The following SVEP1 variants were observed in gnomAD, a reference collection of about 807,000 sequenced individuals.
SVEP1 encodes sushi, von Willebrand factor type A, EGF and pentraxin domain-containing protein 1.
A neutral mutation model predicts 367.3 loss-of-function variants in SVEP1; 164 were observed. The ratio of observed to expected loss-of-function variants is 0.45; its 90% CI spans 0.39 to 0.51. The LOEUF is 0.51. Among genes scored for constraint, SVEP1 ranks in the 20% least tolerant of loss-of-function variants. The pLI is 0.00. For synonymous variants in SVEP1, 1,666 were observed against 1,611.6 expected, an observed-to-expected ratio of 1.03 and a Z score of -0.81; for missense variants, 4,117 against 4,425.3, an observed-to-expected ratio of 0.93 and a Z score of 1.98.
At chr9:110,498,024 G>A (rs778661789) in intron 7 of SVEP1, among the ~76,000 whole-genome samples, 2 of 152,126 alleles carry the variant, frequency 1.3e-5, no homozygotes, top group Non-Finnish European at 2.9e-5. Flanking sequence ...TAGCTTGACT[G>A]GACCTGGAAT....
intron 41 of SVEP1, 44 bp downstream of exon 41, chr9:110,389,480 T>A (rs769400034): frequency 6.2e-7 from 1 of 1,600,300 alleles, no homozygotes. Flanking sequence ...TTATTTTGTG[T>A]CCTCAGTGTC....
intron 4 of SVEP1, 121 bp downstream of exon 4, chr9:110,513,827 A>C: frequency 1.6e-6 from 2 of 1,215,064 alleles, no homozygotes; most frequent in Non-Finnish European, 2.3e-6. Flanking sequence ...CCCCCAAAAA[A>C]TATGATTAGA....
chr9:110,416,456 T>A (rs1361571808), intron 36 of SVEP1, among the ~76,000 whole-genome samples: 1 of 151,710 alleles, frequency 6.6e-6, no homozygotes, highest in East Asian at 1.9e-4. Flanking sequence ...GAGGAAATTA[T>A]CCAAATGTAA....
At chr9:110,431,378 T>C (rs1183043404) in intron 32 of SVEP1, among the ~76,000 whole-genome samples, 2 of 152,222 alleles carry the variant, frequency 1.3e-5, no homozygotes, top group African/African-American at 4.8e-5. Context: ...AGACATCTTA[T>C]TGTTTTCCAG....
chr9:110,494,916 A>T (rs547453213), intron 8 of SVEP1, among the ~76,000 whole-genome samples: 1 of 152,142 alleles, frequency 6.6e-6, no homozygotes, highest in Non-Finnish European at 1.5e-5. Context: ...TAATCTCTCT[A>T]TAAGTTTATG....
At chr9:110,416,489 G>C (rs1357713918) in intron 36 of SVEP1, among the ~76,000 whole-genome samples, 1 of 151,644 alleles carries the variant, frequency 6.6e-6, no homozygotes, top group Non-Finnish European at 1.5e-5. Context: ...GAGATGAAAA[G>C]TGTGACAGAT....
Position 110,429,336 on chromosome 9 carries a change from T to C in SVEP1, c.5616-2A>G. ...GCCAGAGTATATCCTTTATTACACC[T>C]AAAGAAGATAGAGGAAAATTACAGG... is the stretch of plus-strand genomic sequence containing the variant. On this transcript the variant is annotated splice_acceptor_variant, in intron 34 of 47. Transcript: ENST00000374469. LOFTEE classifies it high-confidence loss of function. 6.6e-7 allele frequency: 1 copy of C among 1,518,270 alleles called. No individual in the cohort carries two copies. The highest frequency in any genetic ancestry group is 1.4e-5 in the South Asian group (1 of 74,006). The allele number at this position is 1,518,270 out of a possible 1,614,324, so 94.0% of individuals were successfully genotyped here.
intron 40 of SVEP1, among the ~76,000 whole-genome samples, chr9:110,398,382 T>C (rs1588033362): frequency 6.6e-6 from 1 of 152,250 alleles, no homozygotes; most frequent in Middle Eastern, 3.4e-3. Flanking sequence ...CCTAAAACCA[T>C]AAAATCCCTA....
chr9:110,415,465 G>A (rs951384313), intron 36 of SVEP1, among the ~76,000 whole-genome samples: 7 of 151,962 alleles, frequency 4.6e-5, no homozygotes, highest in Non-Finnish European at 8.8e-5. Context: ...GACTGGAGAA[G>A]GAAATAAACT....
chr9:110,411,554 G>A lies in SVEP1; in HGVS notation c.6157C>T (p.Leu2053=). Residue 2053 remains leucine (L), a synonymous_variant, in exon 37 of 48, where the codon CTA becomes TTA. Coordinates refer to ENST00000374469, the MANE Select transcript of SVEP1 (RefSeq NM_153366.4). ...AFYYCSDGYS[L]ADNSQLLCNA... Reference sequence around the variant, plus strand: ...CAGAGAAGCTGGGAATTGTCTGCTAGGCTGTAACCATCAGAGCAGTAGTAG... The same window carrying A: ...CAGAGAAGCTGGGAATTGTCTGCTAAGCTGTAACCATCAGAGCAGTAGTAG... 2 of 1,614,034 alleles carry A rather than the reference G, an allele frequency of 1.2e-6. No individual in the cohort carries two copies. The highest frequency in any genetic ancestry group is 8.5e-7 in the Non-Finnish European group (1 of 1,179,898).
chr9:110,515,002 T>A (rs1829782021), intron 3 of SVEP1, among the ~76,000 whole-genome samples: 1 of 152,140 alleles, frequency 6.6e-6, no homozygotes. Flanking sequence ...GAAAAAAGAA[T>A]TAAAGACACT....
chr9:110,368,542 A>G (rs1321080113), intron 47 of SVEP1, among the ~76,000 whole-genome samples: 1 of 152,250 alleles, frequency 6.6e-6, no homozygotes, highest in Non-Finnish European at 1.5e-5. Flanking sequence ...TCCTCAATCA[A>G]GAAAGAACTC....
intron 36 of SVEP1, among the ~76,000 whole-genome samples, chr9:110,416,321 T>C (rs1828120388): frequency 1.3e-5 from 2 of 151,396 alleles, no homozygotes; most frequent in Non-Finnish European, 2.9e-5. Flanking sequence ...TATGAAAAAA[T>C]GTTTGAAAAA....
In SVEP1 at chr9:110,570,612, C is replaced by T. The variant is rs1400837881; in HGVS notation, c.531+8401G>A. Among the ~76,000 whole-genome samples, 3 of 152,052 alleles carry T rather than the reference C, an allele frequency of 2.0e-5. No homozygotes were observed. The East Asian group carries it at 5.8e-4, about 29-fold the overall frequency. On this transcript the variant is annotated intron_variant, in intron 1 of 47. Transcript: ENST00000374469. The stretch of plus-strand genomic sequence containing the variant: ...TCTCCTGCCTCCGTCTCCCAAGTAG[C>T]TGGGATTACAGGTGTGCACCACCAC...
chr9:110,578,779 C>T (rs966226017), intron 1 of SVEP1, among the ~76,000 whole-genome samples: 4 of 152,146 alleles, frequency 2.6e-5, no homozygotes, highest in African/African-American at 9.7e-5. Context: ...TCCTCGAAGC[C>T]GACTATCTAA....
At chr9:110,397,111 C>T (rs1031266340) in intron 40 of SVEP1, among the ~76,000 whole-genome samples, 11 of 152,096 alleles carry the variant, frequency 7.2e-5, no homozygotes, top group Admixed American at 3.3e-4. Flanking sequence ...ACTGGCAAAC[C>T]GAATCCAGAA....
At chr9:110,433,780 A>G (rs996640241) in intron 30 of SVEP1, among the ~76,000 whole-genome samples, 1 of 151,760 alleles carries the variant, frequency 6.6e-6, no homozygotes, top group African/African-American at 2.4e-5. Flanking sequence ...CACACTTTGT[A>G]TTTTCCTAGC....
Position 110,450,349 on chromosome 9 carries a change from C to T in SVEP1, c.3902-89G>A, listed in dbSNP as rs1013172859. 2.4e-5 allele frequency: 32 copies of T among 1,346,536 alleles called. No individual in the cohort carries two copies. In the African/African-American group the frequency reaches 3.9e-4, roughly 16 times the overall value. The allele number at this position is 1,346,536 out of a possible 1,614,324, so 83.4% of individuals were successfully genotyped here. On this transcript the variant is annotated intron_variant, in intron 23 of 47. Coordinates refer to ENST00000374469, the MANE Select transcript of SVEP1 (RefSeq NM_153366.4). ...AGTGTTGACTCCCTGGAGGATGCTGCTTCTAGAGGATTGGAATGGAGGCTG... is the reference window on the plus strand; with the variant it reads ...AGTGTTGACTCCCTGGAGGATGCTGTTTCTAGAGGATTGGAATGGAGGCTG...
chr9:110,577,530 T>A (rs1415257057), intron 1 of SVEP1, among the ~76,000 whole-genome samples: 1 of 152,092 alleles, frequency 6.6e-6, no homozygotes, highest in Non-Finnish European at 1.5e-5. Context: ...ATTTCTCTGA[T>A]TTGGGAAATG....
Sources: allele counts gnomAD v4.1 joint callset (sites outside exome capture counted in the v4.1 genomes callset), GRCh38; gene constraint gnomAD v4.1.1; transcripts MANE v1.5; gene names NCBI Gene and HGNC (gene_info 2026-07-23, HGNC 2026-07-21).